Variants in MAD1L1 observed in about 807,000 individuals in gnomAD.
The protein encoded by MAD1L1 is mitotic spindle assembly checkpoint protein MAD1.
MAD1L1 carries 95 observed loss-of-function variants against 96.9 expected under a neutral mutation model. The observed-to-expected ratio is 0.98, with a 90% CI of 0.83 to 1.16. MAD1L1 has a LOEUF of 1.16. Among genes scored for constraint, MAD1L1 ranks in the 50% most tolerant of loss-of-function variants. MAD1L1 has a pLI of 0.00. For missense variants in MAD1L1, 1,007 were observed against 954.4 expected, an observed-to-expected ratio of 1.06 and a Z score of -0.73; for synonymous variants, 473 against 396.6, an observed-to-expected ratio of 1.19 and a Z score of -2.29.
intron 16 of MAD1L1, among the ~76,000 whole-genome samples, chr7:1,953,583 G>A (rs1261910142): frequency 6.6e-6 from 1 of 152,258 alleles, no homozygotes; most frequent in South Asian, 2.1e-4. Context: ...TAGAGGAAGC[G>A]TGCAGATGTC....
chr7:2,099,321 C>T (rs140418290), intron 11 of MAD1L1, among the ~76,000 whole-genome samples: 54 of 152,364 alleles, frequency 3.5e-4, no homozygotes, highest in African/African-American at 1.3e-3. Context: ...CAGGTGCTCG[C>T]TCTGTTCCTC....
At chr7:2,215,818 A>C in intron 9 of MAD1L1, 67 bp downstream of exon 9, 1 of 1,452,722 alleles carries the variant, frequency 6.9e-7, no homozygotes, top group Non-Finnish European at 9.7e-7. Flanking sequence ...GCGTGACCAC[A>C]ATACCGAGGC....
At chr7:2,131,260 A>C (rs1278424034) in intron 11 of MAD1L1, among the ~76,000 whole-genome samples, 1 of 152,192 alleles carries the variant, frequency 6.6e-6, no homozygotes, top group African/African-American at 2.4e-5. Flanking sequence ...AATGCTTAAA[A>C]ACAGAAGGGA....
intron 18 of MAD1L1, among the ~76,000 whole-genome samples, chr7:1,854,671 C>A (rs1784155287): frequency 6.6e-6 from 1 of 152,168 alleles, no homozygotes; most frequent in African/African-American, 2.4e-5. Context: ...CTGCGGGACA[C>A]AAACCTCGGT....
chr7:1,897,422 G>T (rs2128441551), intron 18 of MAD1L1, among the ~76,000 whole-genome samples: 1 of 152,268 alleles, frequency 6.6e-6, no homozygotes, highest in South Asian at 2.1e-4. Flanking sequence ...GCCAAGACGG[G>T]GCCACGAGGT....
intron 18 of MAD1L1, among the ~76,000 whole-genome samples, chr7:1,868,537 A>T (rs1032516301): frequency 8.4e-6 from 1 of 119,544 alleles, no homozygotes; most frequent in Non-Finnish European, 1.7e-5. Context: ...GGGGGTGGGG[A>T]AGGGAGCTCC....
chr7:1,975,932 T>C (rs539717380), intron 15 of MAD1L1, among the ~76,000 whole-genome samples: 2 of 152,344 alleles, frequency 1.3e-5, no homozygotes, highest in South Asian at 4.1e-4. Context: ...TTGCTGAATC[T>C]ACAGGCAACA....
At chr7:1,935,658 C>A (rs936261816) in intron 17 of MAD1L1, among the ~76,000 whole-genome samples, 5 of 152,256 alleles carry the variant, frequency 3.3e-5, no homozygotes, top group Admixed American at 6.5e-5. Flanking sequence ...CGCCACACAA[C>A]CTCTGCACCT....
At chr7:1,835,775 C>T (rs1011126603) in intron 18 of MAD1L1, among the ~76,000 whole-genome samples, 3 of 152,096 alleles carry the variant, frequency 2.0e-5, no homozygotes, top group East Asian at 1.9e-4. Flanking sequence ...GTGGGCTGCT[C>T]GACTAACACT....
At position 1,853,991 on chromosome 7, in the gene MAD1L1, C is replaced by A. The variant is rs116548061; in HGVS notation, c.1999-37763G>T. 8.4e-3 allele frequency among the ~76,000 whole-genome samples: 1,282 copies of A among 152,340 alleles called. 14 individuals are homozygous for A. The highest frequency in any genetic ancestry group is 0.029 in the African/African-American group (1,217 of 41,572). On this transcript the variant is annotated intron_variant, in intron 18 of 18. Coordinates refer to ENST00000265854, the MANE Select transcript of MAD1L1 (RefSeq NM_001013836.2). ...TTCTCCTGCTGCCGCCAGCTCCCGG[C>A]GCCATTCTCATGCCGTGCACTGGGA...
chr7:1,893,367 G>A (rs993653354), intron 18 of MAD1L1, among the ~76,000 whole-genome samples: 6 of 152,222 alleles, frequency 3.9e-5, no homozygotes, highest in African/African-American at 1.4e-4. Context: ...TGTGGAACCC[G>A]CTTGACTGGA....
chr7:2,045,567 T>A (rs539842704), intron 12 of MAD1L1, among the ~76,000 whole-genome samples: 2 of 152,340 alleles, frequency 1.3e-5, no homozygotes, highest in South Asian at 4.1e-4. Flanking sequence ...GGCTAACCAG[T>A]GGATCTAATT....
chr7:2,159,678 ACTAAATG>A (rs1790008866), intron 10 of MAD1L1, among the ~76,000 whole-genome samples: 1 of 152,210 alleles, frequency 6.6e-6, no homozygotes, highest in Non-Finnish European at 1.5e-5. Flanking sequence ...TAACTATCCG[ACTAAATG>A]CTACGCAAGT....
At chr7:1,893,708 C>T (rs1488515539) in intron 18 of MAD1L1, among the ~76,000 whole-genome samples, 1 of 152,162 alleles carries the variant, frequency 6.6e-6, no homozygotes, top group Non-Finnish European at 1.5e-5. Flanking sequence ...GGGTCAGGGC[C>T]CCCAGGGAGC....
At chr7:2,177,210 A>C (rs1217681718) in intron 10 of MAD1L1, among the ~76,000 whole-genome samples, 1 of 152,244 alleles carries the variant, frequency 6.6e-6, no homozygotes, top group Non-Finnish European at 1.5e-5. Context: ...ATAGTGTTAC[A>C]GCCACAATTT....
In MAD1L1 at chr7:2,070,335, AGAG is replaced by A. The variant is rs569379764; in HGVS notation, c.1074-1000_1074-998del. Among the ~76,000 whole-genome samples, 11 of 152,306 alleles carry A rather than the reference AGAG, an allele frequency of 7.2e-5. No individual in the cohort carries two copies. In the South Asian group the frequency reaches 2.3e-3, roughly 32 times the overall value. ...CCAGGAAGGGCACAGTGAGGCGCAG[AGAG>A]GAGAGGCTGTCCCAGGGAGAGGGTG... On this transcript the variant is annotated intron_variant, in intron 11 of 18. Coordinates refer to ENST00000265854, the MANE Select transcript of MAD1L1 (RefSeq NM_001013836.2).
intron 10 of MAD1L1, among the ~76,000 whole-genome samples, chr7:2,166,160 G>T (rs1443695335): frequency 6.6e-6 from 1 of 152,166 alleles, no homozygotes; most frequent in Non-Finnish European, 1.5e-5. Context: ...CCCAGGAGGG[G>T]ATCCCGCCGC....
intron 18 of MAD1L1, among the ~76,000 whole-genome samples, chr7:1,863,039 G>A (rs1317076379): frequency 4.6e-5 from 7 of 152,218 alleles, no homozygotes; most frequent in Non-Finnish European, 8.8e-5. Context: ...TTGTGGGGCC[G>A]TCTTGCACAG....
chr7:1,936,707 G>C lies in MAD1L1; in HGVS notation c.1787C>G (p.Pro596Arg), dbSNP rs761279924. Reference sequence around the variant, plus strand: ...CCTACCTGCCACCTCCTTGGACGATGGCAGACTCGCGGCGGCAGCCTCAAG... The same window carrying C: ...CCTACCTGCCACCTCCTTGGACGATCGCAGACTCGCGGCGGCAGCCTCAAG... ...ADLEAAAASLPSSKEVAELKK... is the reference protein window; with the variant it reads ...ADLEAAAASLRSSKEVAELKK... The change falls in exon 17 of 19, where the codon CCA (proline) becomes CGA (arginine). Residue 596 changes from proline to arginine, a missense_variant. Physicochemically the swap from Pro to Arg is moderately radical, Grantham distance 103. Coordinates refer to ENST00000265854, the MANE Select transcript of MAD1L1 (RefSeq NM_001013836.2). 3 of 1,556,860 alleles carry C rather than the reference G, an allele frequency of 1.9e-6. No individual in the cohort carries two copies. In the African/African-American group the frequency reaches 4.1e-5, roughly 21 times the overall value.
Sources: allele counts gnomAD v4.1 joint callset (sites outside exome capture counted in the v4.1 genomes callset), GRCh38; gene constraint gnomAD v4.1.1; transcripts MANE v1.5; gene names NCBI Gene and HGNC (gene_info 2026-07-23, HGNC 2026-07-21).